TTC39C: variants seen among roughly 807,000 people sequenced by gnomAD.
The protein encoded by TTC39C is tetratricopeptide repeat domain 39C.
A neutral mutation model predicts 76.3 loss-of-function variants in TTC39C; 33 were observed. That is an observed-to-expected ratio of 0.43 (90% CI 0.33 to 0.58). The LOEUF (loss-of-function observed/expected upper bound fraction) is 0.58, where lower values mean the gene tolerates loss of function less well. Ranked by LOEUF, TTC39C falls within the 20% of genes least tolerant of loss-of-function variation. The pLI is 0.04. For synonymous variants in TTC39C, 254 were observed against 260.6 expected (o/e 0.97, Z 0.24); for missense variants, 595 against 701.4 (o/e 0.85, Z 1.71).
chr18:24,023,913 A>G (rs1414298758), intron 1 of TTC39C, among the ~76,000 whole-genome samples: 1 of 137,802 alleles, frequency 7.3e-6, no homozygotes, highest in Non-Finnish European at 1.5e-5. Context: ...AAAAATCAAT[A>G]GAATGCCCAA....
At chr18:24,131,020 CAAAAAAAAAAAAAAAAAAAAAA>C (rs59161044) in intron 12 of TTC39C, among the ~76,000 whole-genome samples, 2 of 14,412 alleles carry the variant, frequency 1.4e-4, no homozygotes, top group Non-Finnish European at 2.8e-4. Flanking sequence ...CTCATCTCTG[CAAAAAAAAAAAAAAAAAAAAAA>C]AAAAAAAAAA....
intron 1 of TTC39C, 63 bp downstream of exon 1, chr18:24,015,101 C>T (rs1266163625): frequency 1.5e-6 from 2 of 1,347,628 alleles, no homozygotes; most frequent in African/African-American, 1.5e-5. Context: ...GCTCACGCGC[C>T]TCGACCTGCG....
At chr18:24,037,814 G>C (rs2083749199) in intron 1 of TTC39C, among the ~76,000 whole-genome samples, 1 of 152,210 alleles carries the variant, frequency 6.6e-6, no homozygotes, top group African/African-American at 2.4e-5. Flanking sequence ...GTTCTTCAAG[G>C]AGATCACAAG....
chr18:24,020,047 AGAATGT>A, intron 1 of TTC39C: 1 of 1,385,270 alleles, frequency 7.2e-7, no homozygotes, highest in Non-Finnish European at 9.3e-7. Flanking sequence ...CTCACAGACA[AGAATGT>A]GTCTCTGCCT....
At chr18:24,010,392 T>G (rs1378509774), upstream of TTC39C, among the ~76,000 whole-genome samples, 1 of 152,222 alleles carries the variant, frequency 6.6e-6, no homozygotes, top group Non-Finnish European at 1.5e-5. Flanking sequence ...CGGAGAAATC[T>G]TTAGGCTAAA....
chr18:24,044,702 T>G (rs774737439), intron 1 of TTC39C, among the ~76,000 whole-genome samples: 2 of 152,122 alleles, frequency 1.3e-5, no homozygotes, highest in Non-Finnish European at 1.5e-5. Context: ...GACGTACCTG[T>G]GGGGAAAGGA....
chr18:24,092,323 A>G (rs1014102818), intron 6 of TTC39C, among the ~76,000 whole-genome samples: 2 of 152,126 alleles, frequency 1.3e-5, no homozygotes, highest in Admixed American at 1.3e-4. Context: ...TGCCAGTGAG[A>G]ATGTGAAATG....
In TTC39C at chr18:24,065,828, A is replaced by G. The variant is rs1012338562; in HGVS notation, c.217-184A>G. 2.6e-5 allele frequency among the ~76,000 whole-genome samples: 4 copies of G among 152,246 alleles called. No individual in the cohort carries two copies. In the South Asian group the frequency reaches 8.3e-4, roughly 31 times the overall value. ...TCTTTCATGATGATGTGATAGAGGT[A>G]TAGTCTTATTTCATGTTGAGATTAC... On this transcript the variant is annotated intron_variant, in intron 2 of 13. Transcript: ENST00000317571.
rs1041976470 is a variant in TTC39C at position 24,069,730 on chromosome 18, A to G, written c.460+459A>G. Among the ~76,000 whole-genome samples, 9 of 152,348 alleles carry G rather than the reference A, an allele frequency of 5.9e-5. No homozygotes were observed. In the South Asian group the frequency reaches 1.9e-3, roughly 32 times the overall value. On this transcript the variant is annotated intron_variant, in intron 4 of 13. Transcript: ENST00000317571. ...TTGCTAATATACTGGAATGACCTGC[A>G]TTTTAACAAACTTTAGTGAGGGATA...
chr18:24,098,833 T>A (rs1194341087), intron 6 of TTC39C, among the ~76,000 whole-genome samples: 1 of 151,770 alleles, frequency 6.6e-6, no homozygotes, highest in Non-Finnish European at 1.5e-5. Flanking sequence ...GGTTTTGCCA[T>A]GTTGGCCAGG....
At chr18:23,997,831 G>A (rs1239687252) in intron 1 of TTC39C, among the ~76,000 whole-genome samples, 1 of 151,304 alleles carries the variant, frequency 6.6e-6, no homozygotes, top group East Asian at 1.9e-4. Context: ...CTGTGATTGC[G>A]CCACTGCATT....
chr18:24,079,913 C>T (rs1393040651), intron 4 of TTC39C, among the ~76,000 whole-genome samples: 1 of 151,670 alleles, frequency 6.6e-6, no homozygotes, highest in African/African-American at 2.4e-5. Context: ...GGAATCCTCC[C>T]ACCTCAGCCT....
intron 6 of TTC39C, among the ~76,000 whole-genome samples, chr18:24,088,896 A>G (rs931430538): frequency 6.6e-6 from 1 of 152,116 alleles, no homozygotes; most frequent in Non-Finnish European, 1.5e-5. Context: ...CTGTCTCTGG[A>G]CCTTACTTCC....
At chr18:24,049,546 A>C (rs1180268179) in intron 1 of TTC39C, among the ~76,000 whole-genome samples, 2 of 152,160 alleles carry the variant, frequency 1.3e-5, no homozygotes, top group African/African-American at 2.4e-5. Context: ...CTGGGTAGGC[A>C]CTGTGCGGGT....
In TTC39C at chr18:24,133,091, A is replaced by T. The variant is rs2085154603; in HGVS notation, c.*517A>T. ...AGATATTCTTAACCCCACTTTGCAGACAGTGAAACTCAGGCACAAAAAGGC... is the reference window on the plus strand; with the variant it reads ...AGATATTCTTAACCCCACTTTGCAGTCAGTGAAACTCAGGCACAAAAAGGC... On this transcript the variant is annotated 3_prime_UTR_variant, in exon 14 of 14. Coordinates refer to ENST00000317571, the MANE Select transcript of TTC39C (RefSeq NM_001135993.2). 6.6e-6 allele frequency: 1 copy of T among 152,292 alleles called. No individual in the cohort carries two copies. The highest frequency in any genetic ancestry group is 1.5e-5 in the Non-Finnish European group (1 of 68,076). The allele number at this position is 152,292 out of a possible 1,614,324, so 9.4% of individuals were successfully genotyped here. A position where few individuals can be genotyped will look rare whatever the true frequency, so the allele number is the denominator to read the frequency against.
rs772787354 is a variant in TTC39C, at chr18:24,130,394, T to G, written c.1600T>G (p.Cys534Gly). The G allele has an allele frequency of 1.3e-6, 2 of 1,567,002 alleles. No homozygotes were observed. Among genetic ancestry groups the G allele is most frequent in the African/African-American group, 2.7e-5 (2 of 72,844 alleles). ...VQPYACYELG[C>G]LLLDKPETVG... is the part of the protein sequence containing the mutation. The stretch of plus-strand genomic sequence containing the variant: ...GCCGTATGCCTGTTATGAACTTGGC[T>G]GTCTTCTATTAGACAAACCAGAGGT... The change falls in exon 12 of 14, where the codon TGT becomes GGT. Residue 534 changes from cysteine (C) to glycine (G), a missense_variant. Coordinates refer to ENST00000317571, the MANE Select transcript of TTC39C (RefSeq NM_001135993.2).
intron 6 of TTC39C, among the ~76,000 whole-genome samples, chr18:24,099,751 T>C (rs1000631378): frequency 1.3e-5 from 2 of 152,066 alleles, no homozygotes; most frequent in African/African-American, 4.8e-5. Flanking sequence ...TTATGTAACT[T>C]ACTGCTGTGA....
At chr18:24,002,584 G>C (rs183175341) in intron 1 of TTC39C, among the ~76,000 whole-genome samples, 1 of 152,168 alleles carries the variant, frequency 6.6e-6, no homozygotes, top group Admixed American at 6.5e-5. Context: ...AATGTGTGGG[G>C]ATTTCTGTGT....
intron 1 of TTC39C, among the ~76,000 whole-genome samples, chr18:24,056,875 G>C (rs549838858): frequency 1.6e-4 from 25 of 152,042 alleles, no homozygotes; most frequent in African/African-American, 5.8e-4. Flanking sequence ...TAGAGACAGG[G>C]TCTCACTATG....
Sources: gnomAD v4.1 joint callset for allele counts (sites outside exome capture counted in the v4.1 genomes callset) on GRCh38, gnomAD v4.1.1 for gene constraint, MANE v1.5 for transcripts, NCBI Gene and HGNC (gene_info 2026-07-23, HGNC 2026-07-21) for gene names.